Variants in A1CF observed in about 807,000 individuals in gnomAD.
A1CF encodes the protein APOBEC-1 stimulating protein.
In A1CF, 48 loss-of-function variants were observed where a neutral mutation model predicts 68.9. The ratio of observed to expected loss-of-function variants is 0.70; its 90% confidence interval spans 0.55 to 0.89. The LOEUF (loss-of-function observed/expected upper bound fraction) is 0.89, where lower values mean the gene tolerates loss of function less well. Ranked by LOEUF, A1CF falls within the 40% of genes least tolerant of loss-of-function variation. A1CF has a pLI of 0.00. For missense variants in A1CF, 653 were observed against 718.9 expected (o/e 0.91, Z 1.05); for synonymous variants, 272 against 260.4 (o/e 1.04, Z -0.43).
intron 6 of A1CF, among the ~76,000 whole-genome samples, chr10:50,835,490 C>G (rs553080265): frequency 6.6e-6 from 1 of 152,066 alleles, no homozygotes; most frequent in East Asian, 1.9e-4. Flanking sequence ...TTGATCTGAC[C>G]GAGGCAGTGT....
At chr10:50,828,526 C>A (rs1158213112) in intron 6 of A1CF, 2 of 346,248 alleles carry the variant, frequency 5.8e-6, no homozygotes, top group African/African-American at 4.2e-5. Flanking sequence ...ATAAAGGGAA[C>A]CAGGACGTGG....
chr10:50,859,978 G>T lies in A1CF; in HGVS notation c.-38C>A. ...TCAGCAAAAAATCAGGTTAATTAGG[G>T]TTGCTCACTGAAACCAAATTTAAGA... is the stretch of plus-strand genomic sequence containing the variant. On this transcript the variant is annotated 5_prime_UTR_variant, in exon 3 of 13. Coordinates refer to ENST00000373997, the MANE Select transcript of A1CF (RefSeq NM_014576.4). 1.3e-6 allele frequency: 2 copies of T among 1,561,954 alleles called. No individual in the cohort carries two copies. Among genetic ancestry groups the T allele is most frequent in the Non-Finnish European group, 1.8e-6 (2 of 1,134,384 alleles).
At chr10:50,883,508 G>C (rs1272752476) in intron 1 of A1CF, among the ~76,000 whole-genome samples, 1 of 152,122 alleles carries the variant, frequency 6.6e-6, no homozygotes, top group East Asian at 1.9e-4. Flanking sequence ...AGTCCTATTT[G>C]GTGGAAGACT....
intron 1 of A1CF, among the ~76,000 whole-genome samples, 179 bp from the exon 2 acceptor site, chr10:50,864,259 G>A (rs1001995056): frequency 1.6e-4 from 25 of 152,176 alleles, no homozygotes; most frequent in African/African-American, 6.0e-4. Context: ...TTGTGAAGAT[G>A]AAATGAGAAA....
intron 9 of A1CF, 113 bp downstream of exon 9, chr10:50,815,893 C>T: frequency 6.3e-6 from 8 of 1,271,960 alleles, no homozygotes; most frequent in East Asian, 2.4e-5. Context: ...TTTTAATAAA[C>T]AATTTTTCAG....
chr10:50,881,000 T>A (rs1254590200), intron 1 of A1CF, among the ~76,000 whole-genome samples: 1 of 152,066 alleles, frequency 6.6e-6, no homozygotes, highest in East Asian at 1.9e-4. Flanking sequence ...GACTCTTTTT[T>A]TTTTTTTGAG....
At chr10:50,845,803 A>T (rs778326888) in intron 3 of A1CF, among the ~76,000 whole-genome samples, 2 of 152,034 alleles carry the variant, frequency 1.3e-5, no homozygotes, top group African/African-American at 2.4e-5. Context: ...AAAATACAAA[A>T]ATTAGCTGGA....
intron 6 of A1CF, among the ~76,000 whole-genome samples, chr10:50,831,731 A>T (rs2132409714): frequency 6.6e-6 from 1 of 152,366 alleles, no homozygotes; most frequent in East Asian, 1.9e-4. Context: ...TCCGTCTCAA[A>T]AATAAAAAAC....
chr10:50,817,353 G>A (rs1301891126), intron 8 of A1CF, among the ~76,000 whole-genome samples: 2 of 152,164 alleles, frequency 1.3e-5, no homozygotes, highest in Non-Finnish European at 2.9e-5. Context: ...CTTACCCTCT[G>A]ATTTCAACAG....
rs1404517565 is a variant in A1CF at position 50,813,921 on chromosome 10, C to T, written c.1259G>A (p.Gly420Glu). Reference protein sequence around the residue: ...REDKLYDILPGMELTPMNPVT... With the variant: ...REDKLYDILPEMELTPMNPVT... ...AGGATTCATTGGGGTGAGCTCCATC[C>T]CAGGTAAAATGTCATAGAGTTTGTC... The change falls in exon 10 of 13, where the codon GGG (glycine) becomes GAG (glutamate). Residue 420 changes from glycine to glutamate, a missense_variant. Transcript: ENST00000373997. 1 of 1,613,814 alleles carries T rather than the reference C, an allele frequency of 6.2e-7. No homozygotes were observed. The highest frequency in any genetic ancestry group is 2.2e-5 in the East Asian group (1 of 44,844).
chr10:50,866,851 A>G (rs1218415082), intron 1 of A1CF, among the ~76,000 whole-genome samples: 1 of 152,182 alleles, frequency 6.6e-6, no homozygotes, highest in Non-Finnish European at 1.5e-5. Context: ...GGAAACAGAC[A>G]AAGAGGGAAA....
intron 10 of A1CF, 135 bp downstream of exon 10, chr10:50,813,722 A>G: frequency 2.4e-6 from 2 of 824,184 alleles, no homozygotes; most frequent in East Asian, 2.7e-5. Context: ...AGACTGTGAC[A>G]TTCATTGGAT....
intron 3 of A1CF, among the ~76,000 whole-genome samples, chr10:50,855,462 A>G (rs1221787964): frequency 6.6e-6 from 1 of 152,008 alleles, no homozygotes; most frequent in Non-Finnish European, 1.5e-5. Context: ...ATTTTCAACA[A>G]GAGTATGTAT....
intron 12 of A1CF, among the ~76,000 whole-genome samples, chr10:50,809,242 C>G (rs1837978266): frequency 6.6e-6 from 1 of 152,174 alleles, no homozygotes; most frequent in Non-Finnish European, 1.5e-5. Flanking sequence ...AATTATAGAA[C>G]AAATAAATTG....
chr10:50,810,919 C>T, intron 11 of A1CF, 121 bp downstream of exon 11: 1 of 1,143,106 alleles, frequency 8.7e-7, no homozygotes, highest in Non-Finnish European at 1.2e-6. Flanking sequence ...TCAATATTTG[C>T]ATTGAATGAC....
chr10:50,827,986 A>G (rs181544310), intron 7 of A1CF, 145 bp downstream of exon 7: 54 of 456,144 alleles, frequency 1.2e-4, no homozygotes, highest in African/African-American at 1.1e-3. Flanking sequence ...AATACAAACT[A>G]CCGTCAGAGA....
At chr10:50,876,354 G>A (rs937277167) in intron 1 of A1CF, among the ~76,000 whole-genome samples, 5 of 152,116 alleles carry the variant, frequency 3.3e-5, no homozygotes, top group Non-Finnish European at 7.3e-5. Context: ...TGCTCCACTT[G>A]GACAAGCTTA....
chr10:50,854,058 T>C (rs2132503924), intron 3 of A1CF, among the ~76,000 whole-genome samples: 1 of 152,098 alleles, frequency 6.6e-6, no homozygotes, highest in South Asian at 2.1e-4. Flanking sequence ...AATAATAAAG[T>C]TTTTTTCCAT....
chr10:50,869,049 C>A (rs769991811), intron 1 of A1CF, among the ~76,000 whole-genome samples: 19 of 152,104 alleles, frequency 1.2e-4, no homozygotes, highest in Non-Finnish European at 2.2e-4. Context: ...AGGCTTAACA[C>A]CTGGGTGATG....
Sources: gnomAD v4.1 joint callset for allele counts (sites outside exome capture counted in the v4.1 genomes callset) on GRCh38, gnomAD v4.1.1 for gene constraint, MANE v1.5 for transcripts, NCBI Gene and HGNC (gene_info 2026-07-23, HGNC 2026-07-21) for gene names.